Variants in RAPGEF1 observed in about 807,000 individuals in gnomAD.
RAPGEF1 encodes CRK SH3-binding GNRP.
In RAPGEF1, 33 loss-of-function variants were observed where a neutral mutation model predicts 143.3. That is an observed-to-expected ratio of 0.23 (90% CI 0.17 to 0.31). The LOEUF is 0.31. Ranked by LOEUF, RAPGEF1 falls within the 10% of genes least tolerant of loss-of-function variation. The probability of loss-of-function intolerance (pLI) is 1.00; values close to 1 mark genes in which losing one functional copy is unlikely to be tolerated. For missense variants in RAPGEF1, 1,199 were observed against 1,645.4 expected (o/e 0.73, Z 4.69); for synonymous variants, 629 against 676.5 (o/e 0.93, Z 1.09).
intron 22 of RAPGEF1, among the ~76,000 whole-genome samples, chr9:131,586,283 C>CA (rs1230781056): frequency 4.2e-5 from 6 of 143,352 alleles, no homozygotes; most frequent in South Asian, 2.2e-4. Context: ...CACACACACA[C>CA]ACCTGCAGAG....
At chr9:131,624,226 A>G (rs887768382) in intron 10 of RAPGEF1, among the ~76,000 whole-genome samples, 8 of 152,054 alleles carry the variant, frequency 5.3e-5, no homozygotes, top group African/African-American at 1.9e-4. Flanking sequence ...CAGTTTCTCT[A>G]CCTATGAAAT....
At chr9:131,594,797 C>T (rs1041493354) in intron 17 of RAPGEF1, among the ~76,000 whole-genome samples, 1 of 152,248 alleles carries the variant, frequency 6.6e-6, no homozygotes, top group Non-Finnish European at 1.5e-5. Context: ...CTTGGCTGTC[C>T]TGTCTCAGGG....
At chr9:131,585,478 C>T (rs1952569442) in intron 22 of RAPGEF1, among the ~76,000 whole-genome samples, 1 of 152,226 alleles carries the variant, frequency 6.6e-6, no homozygotes, top group Non-Finnish European at 1.5e-5. Flanking sequence ...ACTGCACTCG[C>T]ACCTCTGTGC....
chr9:131,723,792 A>G (rs1246199549), intron 1 of RAPGEF1, among the ~76,000 whole-genome samples: 1 of 152,126 alleles, frequency 6.6e-6, no homozygotes, highest in African/African-American at 2.4e-5. Flanking sequence ...GTACACACCC[A>G]TAGGTATATA....
intron 12 of RAPGEF1, among the ~76,000 whole-genome samples, chr9:131,606,482 G>A (rs1236146206): frequency 1.3e-5 from 2 of 152,174 alleles, no homozygotes; most frequent in East Asian, 3.8e-4. Context: ...ACAGAGGCAG[G>A]GACGTGAGGA....
intron 3 of RAPGEF1, among the ~76,000 whole-genome samples, chr9:131,647,690 G>T (rs1362506191): frequency 1.3e-5 from 2 of 152,196 alleles, no homozygotes; most frequent in Non-Finnish European, 2.9e-5. Context: ...CGAAGCAAGA[G>T]GTTCGCATTT....
Position 131,639,290 on chromosome 9 carries a change from C to T in RAPGEF1, c.495-499G>A, listed in dbSNP as rs144906561. 3.4e-3 allele frequency among the ~76,000 whole-genome samples: 515 copies of T among 152,228 alleles called. 4 individuals carry two copies. The highest frequency in any genetic ancestry group is 6.4e-3 in the South Asian group (31 of 4,824). Reference sequence around the variant, plus strand: ...GGTCTGCAGTTTATTAGAATTCCTCCGTCACGGGGCCAGCTTCATCATCTT... The same window carrying T: ...GGTCTGCAGTTTATTAGAATTCCTCTGTCACGGGGCCAGCTTCATCATCTT... On this transcript the variant is annotated intron_variant, in intron 4 of 26. Coordinates refer to ENST00000683357, the MANE Select transcript of RAPGEF1 (RefSeq NM_001377935.1).
rs375601503 is a variant in RAPGEF1 at position 131,584,866 on chromosome 9, T to C, written c.3234-270A>G. ...GAAGGCCCAAAGGGGGCTTCGAATC[T>C]GCAGGTGGAGCATGGGAGGATGAAA... On this transcript the variant is annotated intron_variant, in intron 22 of 26. Transcript: ENST00000683357. This position sits in a 1 kb window ranked among gnomAD's most constrained non-coding sequence, Gnocchi z 6.8. Among the ~76,000 whole-genome samples, 1 of 152,210 alleles carries C rather than the reference T, an allele frequency of 6.6e-6. No individual in the cohort carries two copies. Among genetic ancestry groups the C allele is most frequent in the African/African-American group, 2.4e-5 (1 of 41,448 alleles).
intron 1 of RAPGEF1, among the ~76,000 whole-genome samples, chr9:131,730,061 G>A (rs1836932648): frequency 6.6e-6 from 1 of 151,778 alleles, no homozygotes. Flanking sequence ...AGGCGAAGTG[G>A]TGGGCACCTG....
In RAPGEF1 at chr9:131,730,154, AC is replaced by A. The variant is rs1255149681; in HGVS notation, c.61+9615del. Among the ~76,000 whole-genome samples the A allele has an allele frequency of 1.5e-4, 20 of 136,952 alleles. No homozygotes were observed. The Admixed American group carries it at 1.6e-3, about 11-fold the overall frequency. The allele number at this position is 136,952 out of a possible 152,430, so 89.8% of individuals were successfully genotyped here. On this transcript the variant is annotated intron_variant, in intron 1 of 26. Transcript: ENST00000683357. ...GCTTGCAGTGAGCCGAGACTGCATC[AC>A]TGCACCCCAGCCTGGGCAACAGAGC... is the stretch of plus-strand genomic sequence containing the variant.
chr9:131,593,023 G>A (rs1954610098), intron 17 of RAPGEF1, among the ~76,000 whole-genome samples: 1 of 152,228 alleles, frequency 6.6e-6, no homozygotes, highest in Admixed American at 6.5e-5. Context: ...GATTACAGGC[G>A]TGAGCCACCG....
At chr9:131,636,009 C>T (rs552417175) in intron 5 of RAPGEF1, among the ~76,000 whole-genome samples, 1 of 152,328 alleles carries the variant, frequency 6.6e-6, no homozygotes, top group Non-Finnish European at 1.5e-5. Context: ...TGAAAAGCTC[C>T]CAGCCACAGG....
intron 22 of RAPGEF1, among the ~76,000 whole-genome samples, chr9:131,585,962 G>C (rs184964855): frequency 1.3e-5 from 2 of 152,186 alleles, no homozygotes; most frequent in Admixed American, 1.3e-4. Context: ...GGTGGATCAC[G>C]AGGCCAGGAG....
At chr9:131,728,624 C>T (rs1326852931) in intron 1 of RAPGEF1, among the ~76,000 whole-genome samples, 4 of 152,136 alleles carry the variant, frequency 2.6e-5, no homozygotes, top group Non-Finnish European at 5.9e-5. Context: ...TTGTAAAAAC[C>T]TACTCCCTGG....
At chr9:131,661,703 A>G (rs1251849218) in intron 1 of RAPGEF1, among the ~76,000 whole-genome samples, 1 of 152,228 alleles carries the variant, frequency 6.6e-6, no homozygotes, top group Non-Finnish European at 1.5e-5. Context: ...TTCATTTACA[A>G]CTTAAGGAAA....
In RAPGEF1 at chr9:131,578,939, T is replaced by A. The variant is rs1951475902; in HGVS notation, c.*558A>T. On this transcript the variant is annotated 3_prime_UTR_variant, in exon 27 of 27. Coordinates refer to ENST00000683357, the MANE Select transcript of RAPGEF1 (RefSeq NM_001377935.1). ...CGGGCCTGCTGAAAAGCTCACACCATCCTCCATGCATCAGAAGGGGAAGCG... is the reference window on the plus strand; with the variant it reads ...CGGGCCTGCTGAAAAGCTCACACCAACCTCCATGCATCAGAAGGGGAAGCG... 1 of 153,268 alleles carries A rather than the reference T, an allele frequency of 6.5e-6. No homozygotes were observed. The highest frequency in any genetic ancestry group is 6.5e-5 in the Admixed American group (1 of 15,436). The allele number at this position is 153,268 out of a possible 1,614,324, so 9.5% of individuals were successfully genotyped here.
intron 19 of RAPGEF1, 112 bp downstream of exon 19, chr9:131,589,773 AG>A (rs1438629244): frequency 7.0e-6 from 7 of 994,492 alleles, no homozygotes; most frequent in Non-Finnish European, 1.1e-5. Flanking sequence ...CAAAGGACCA[AG>A]ATAGAGCAGG....
intron 18 of RAPGEF1, among the ~76,000 whole-genome samples, chr9:131,590,665 C>T (rs931050256): frequency 4.6e-5 from 7 of 152,270 alleles, no homozygotes; most frequent in Non-Finnish European, 5.9e-5. Flanking sequence ...CCTGCCTGCT[C>T]TCTAGTGATC....
chr9:131,655,948 A>ATATC lies in RAPGEF1; in HGVS notation c.62-5003_62-5000dup, dbSNP rs1972365670. Among the ~76,000 whole-genome samples the ATATC allele has an allele frequency of 6.6e-6, 1 of 152,182 alleles. No homozygotes were observed. Among genetic ancestry groups the ATATC allele is most frequent in the African/African-American group, 2.4e-5 (1 of 41,450 alleles). ...AGAATGTTTGCATTCAAATACTTAG[A>ATATC]TATCATCTCTCTAAATCTTTCCCTT... On this transcript the variant is annotated intron_variant, in intron 1 of 26. Coordinates refer to ENST00000683357, the MANE Select transcript of RAPGEF1 (RefSeq NM_001377935.1). This position sits in a 1 kb window ranked among gnomAD's most constrained non-coding sequence, Gnocchi z 4.1.
Sources: gnomAD v4.1 joint callset for allele counts (sites outside exome capture counted in the v4.1 genomes callset) on GRCh38, gnomAD v4.1.1 for gene constraint, Gnocchi (gnomAD v3.1) non-coding constraint, MANE v1.5 for transcripts, NCBI Gene and HGNC (gene_info 2026-07-23, HGNC 2026-07-21) for gene names.